PRDM10: variants seen among roughly 807,000 people sequenced by gnomAD.
PRDM10 encodes PR/SET domain 10, also known as PR domain zinc finger protein 10.
Under a neutral mutation model 133.1 loss-of-function variants are expected in PRDM10, and 65 were observed. That is an observed-to-expected ratio of 0.49 (90% CI 0.40 to 0.60). The LOEUF (loss-of-function observed/expected upper bound fraction) is 0.60, where lower values mean the gene tolerates loss of function less well. Among genes scored for constraint, PRDM10 ranks in the 20% least tolerant of loss-of-function variants. The pLI is 0.00. For missense variants in PRDM10, 1,137 were observed against 1,507.1 expected (o/e 0.75, Z 4.07); for synonymous variants, 582 against 580.4 (o/e 1.00, Z -0.04).
intron 1 of PRDM10, among the ~76,000 whole-genome samples, chr11:129,982,305 C>A (rs1938160534): frequency 1.3e-5 from 2 of 151,798 alleles, no homozygotes; most frequent in Admixed American, 1.3e-4. Context: ...TGTGTATACA[C>A]AGACTGGAGT....
At chr11:129,972,307 C>T (rs1032568865) in intron 1 of PRDM10, among the ~76,000 whole-genome samples, 7 of 152,234 alleles carry the variant, frequency 4.6e-5, no homozygotes, top group Admixed American at 4.6e-4. Context: ...TCAAGTGCCG[C>T]CCAAGTGGGA....
At chr11:129,965,255 C>T (rs73577258) in intron 1 of PRDM10, among the ~76,000 whole-genome samples, 2,004 of 151,920 alleles carry the variant, frequency 0.013, 37 homozygotes, top group African/African-American at 0.045. Flanking sequence ...AAAAAAAAAA[C>T]GGAAAGAAAG....
chr11:129,981,579 A>T (rs1416770198), intron 1 of PRDM10, among the ~76,000 whole-genome samples: 1 of 152,102 alleles, frequency 6.6e-6, no homozygotes, highest in African/African-American at 2.4e-5. Context: ...CAACGTACAG[A>T]TGTGCCAATC....
At position 130,002,776 on chromosome 11, in the gene PRDM10, T is replaced by G; in HGVS notation, c.-173A>C. 1 of 212,646 alleles carries G rather than the reference T, an allele frequency of 4.7e-6. No individual in the cohort carries two copies. Among genetic ancestry groups the G allele is most frequent in the South Asian group, 5.0e-5 (1 of 19,982 alleles). 13.2% of individuals were successfully genotyped at this position (212,646 alleles called of 1,614,324 possible). A position where few individuals can be genotyped will look rare whatever the true frequency, so the allele number is the denominator to read the frequency against. ...CAGCGGGTCCCCGATCCTCTCTCCC[T>G]AGGGGTGATAGAAATCAACCCCCCC... On this transcript the variant is annotated 5_prime_UTR_variant, in exon 1 of 21. Coordinates refer to ENST00000360871, the MANE Select transcript of PRDM10 (RefSeq NM_199437.2).
At chr11:129,973,098 C>A (rs1404285533) in intron 1 of PRDM10, among the ~76,000 whole-genome samples, 1 of 152,080 alleles carries the variant, frequency 6.6e-6, no homozygotes, top group African/African-American at 2.4e-5. Context: ...TTACAAAATA[C>A]CCACTTTGAA....
rs1276712211 is a variant in PRDM10 at position 129,923,816 on chromosome 11, C to G, written c.1879-413G>C. ...ATCTATAGGAAGACAAAAACCAATTCTTCCTTACTTTTCTCCGTCTTTAAT... is the reference window on the plus strand; with the variant it reads ...ATCTATAGGAAGACAAAAACCAATTGTTCCTTACTTTTCTCCGTCTTTAAT... On this transcript the variant is annotated intron_variant, in intron 12 of 20. Transcript: ENST00000360871. The surrounding 1 kb of genome is among the most constrained non-coding windows in gnomAD (Gnocchi z 4.4). Among the ~76,000 whole-genome samples the G allele has an allele frequency of 6.6e-6, 1 of 152,228 alleles. No homozygotes were observed. The highest frequency in any genetic ancestry group is 2.4e-5 in the African/African-American group (1 of 41,466).
chr11:129,979,225 A>C (rs1937965170), intron 1 of PRDM10, among the ~76,000 whole-genome samples: 1 of 152,184 alleles, frequency 6.6e-6, no homozygotes, highest in Non-Finnish European at 1.5e-5. Flanking sequence ...TCAAAGCACC[A>C]GAGTGCAGCA....
chr11:129,979,429 C>T (rs537803151), intron 1 of PRDM10, among the ~76,000 whole-genome samples: 1 of 152,134 alleles, frequency 6.6e-6, no homozygotes, highest in Non-Finnish European at 1.5e-5. Flanking sequence ...CAGCGCAGTT[C>T]GGAGCTCACC....
intron 1 of PRDM10, among the ~76,000 whole-genome samples, chr11:129,993,370 C>T (rs1938854243): frequency 6.6e-6 from 1 of 152,172 alleles, no homozygotes; most frequent in African/African-American, 2.4e-5. Context: ...TTTTGCCTGC[C>T]TTTCTGCCAT....
chr11:129,947,238 C>A lies in PRDM10; in HGVS notation c.427G>T (p.Asp143Tyr), dbSNP rs369675039. 15 of 1,614,064 alleles carry A rather than the reference C, an allele frequency of 9.3e-6. No homozygotes were observed. Among genetic ancestry groups the A allele is most frequent in the Non-Finnish European group, 1.3e-5 (15 of 1,180,042 alleles). Residue 143 changes from aspartate to tyrosine, a missense_variant, in exon 5 of 21, where the codon GAC becomes TAC. By Grantham distance (160) the Asp-to-Tyr change is radical. Around this residue, in one of 6 missense-constraint regions of PRDM10, gnomAD observed 635 missense variants for 835.2 expected, o/e 0.76. Transcript: ENST00000360871. The surrounding 1 kb of genome is among the most constrained non-coding windows in gnomAD (Gnocchi z 4.6). ...TCTTCTTCCTCATCTTCCTCAGTGT[C>A]CTCGTCCTCATCCTCATCCTCTTCC... ...KEEEDEDEDEDTEEDEEEDGE... is the reference protein window; with the variant it reads ...KEEEDEDEDEYTEEDEEEDGE...
intron 6 of PRDM10, among the ~76,000 whole-genome samples, chr11:129,943,007 G>T (rs1951265106): frequency 6.6e-6 from 1 of 152,112 alleles, no homozygotes; most frequent in Admixed American, 6.5e-5. Flanking sequence ...GGCAGCCCAG[G>T]GATAGGCATT....
rs73577264 is a variant in PRDM10, at chr11:129,969,406, A to G, written c.-118-8324T>C. Among the ~76,000 whole-genome samples, 601 of 152,226 alleles carry G rather than the reference A, an allele frequency of 3.9e-3. 2 individuals are homozygous for G. Among genetic ancestry groups the G allele is most frequent in the African/African-American group, 0.014 (561 of 41,542 alleles). ...CAGACAGCCTAGCTCCAAAGCTTGGATTTACCACTTACAGCTTTTGGCAAT... is the reference window on the plus strand; with the variant it reads ...CAGACAGCCTAGCTCCAAAGCTTGGGTTTACCACTTACAGCTTTTGGCAAT... On this transcript the variant is annotated intron_variant, in intron 1 of 20. Transcript: ENST00000360871.
intron 1 of PRDM10, among the ~76,000 whole-genome samples, chr11:130,000,327 G>A (rs1477123519): frequency 6.6e-6 from 1 of 152,186 alleles, no homozygotes; most frequent in Non-Finnish European, 1.5e-5. Context: ...ACAGGCATGA[G>A]CCACAGCGCC....
At chr11:129,967,295 G>A (rs548657177) in intron 1 of PRDM10, among the ~76,000 whole-genome samples, 11 of 152,144 alleles carry the variant, frequency 7.2e-5, no homozygotes, top group Non-Finnish European at 1.6e-4. Flanking sequence ...GGAGGCTGAG[G>A]CAGGAGAACT....
intron 1 of PRDM10, among the ~76,000 whole-genome samples, chr11:129,992,488 C>T (rs1363177131): frequency 6.6e-6 from 1 of 152,192 alleles, no homozygotes; most frequent in Non-Finnish European, 1.5e-5. Context: ...CCCTGTTTGC[C>T]ACAACAGCTT....
In PRDM10 at chr11:129,935,064, T is replaced by G. The variant is rs376047048; in HGVS notation, c.1157+37A>C. 3.6e-4 allele frequency: 556 copies of G among 1,529,860 alleles called. 1 individual carries two copies. Among genetic ancestry groups the G allele is most frequent in the African/African-American group, 3.2e-3 (232 of 73,290 alleles). 94.8% of individuals were successfully genotyped at this position (1,529,860 alleles called of 1,614,324 possible). A position where few individuals can be genotyped will look rare whatever the true frequency, so the allele number is the denominator to read the frequency against. On this transcript the variant is annotated intron_variant, in intron 9 of 20. Coordinates refer to ENST00000360871, the MANE Select transcript of PRDM10 (RefSeq NM_199437.2). ...ATATAGAAATGATTCTGAACCTTTA[T>G]GAACTCAGTCTGTGAGCATTTCTCC... is the stretch of plus-strand genomic sequence containing the variant.
At chr11:129,914,528 T>C (rs1031187739) in intron 17 of PRDM10, 176 bp downstream of exon 17, 2 of 862,460 alleles carry the variant, frequency 2.3e-6, no homozygotes, top group African/African-American at 3.3e-5. Flanking sequence ...ATCTCTTACA[T>C]TGCTAAGGCC....
chr11:129,952,103 C>T (rs1951596177), intron 4 of PRDM10, among the ~76,000 whole-genome samples: 1 of 152,186 alleles, frequency 6.6e-6, no homozygotes, highest in Non-Finnish European at 1.5e-5. Flanking sequence ...CCAATAGTTA[C>T]ACTGTCTTGT....
chr11:129,919,030 C>T (rs74487838), intron 13 of PRDM10, among the ~76,000 whole-genome samples: 6,690 of 152,186 alleles, frequency 0.044, 189 homozygotes, highest in African/African-American at 0.086. Context: ...ACAAGCCTGG[C>T]ATAAAAGAAC....
Sources: gnomAD v4.1 joint callset for allele counts (sites outside exome capture counted in the v4.1 genomes callset) on GRCh38, gnomAD v4.1.1 for gene constraint, gnomAD v4.1.1 regional missense constraint, Gnocchi (gnomAD v3.1) non-coding constraint, MANE v1.5 for transcripts, NCBI Gene and HGNC (gene_info 2026-07-23, HGNC 2026-07-21) for gene names.